The following MECOM variants were observed in gnomAD, a reference collection of about 807,000 sequenced individuals.
MECOM encodes MDS1 and EVI1 complex locus, also known as histone-lysine N-methyltransferase MECOM.
A neutral mutation model predicts 116.3 loss-of-function variants in MECOM; 13 were observed. The observed-to-expected ratio is 0.11, with a 90% CI of 0.07 to 0.18. The LOEUF (loss-of-function observed/expected upper bound fraction) is 0.18, where lower values mean the gene tolerates loss of function less well. Ranked by LOEUF, MECOM falls within the 10% of genes least tolerant of loss-of-function variation. The pLI, the probability that MECOM is intolerant of heterozygous loss-of-function variation, is 1.00. For synonymous variants in MECOM, 528 were observed against 535.2 expected (o/e 0.99, Z 0.19); for missense variants, 1,299 against 1,509.0 (o/e 0.86, Z 2.31).
intron 1 of MECOM, among the ~76,000 whole-genome samples, chr3:169,595,948 TTCAA>T (rs1407159291): frequency 6.6e-6 from 1 of 152,188 alleles, no homozygotes; most frequent in African/African-American, 2.4e-5. Flanking sequence ...TATAGTCAAT[TTCAA>T]TCAGACACTA....
At chr3:169,313,247 G>A (rs185119422) in intron 2 of MECOM, among the ~76,000 whole-genome samples, 1 of 152,308 alleles carries the variant, frequency 6.6e-6, no homozygotes, top group Admixed American at 6.5e-5. Flanking sequence ...CCTAAAAAGA[G>A]AATCTCTTTG....
At chr3:169,405,806 G>A (rs1229080273) in intron 1 of MECOM, among the ~76,000 whole-genome samples, 1 of 152,136 alleles carries the variant, frequency 6.6e-6, no homozygotes, top group East Asian at 1.9e-4. Context: ...TGAGAAAAAG[G>A]GTGGTTGTAC....
At chr3:169,233,211 C>T (rs784280) in intron 2 of MECOM, among the ~76,000 whole-genome samples, 19,685 of 152,090 alleles carry the variant, frequency 0.13, 1,884 homozygotes, top group African/African-American at 0.27. Flanking sequence ...ACCTGGGTCC[C>T]AAACATGGTG....
chr3:169,235,743 C>T (rs1189721140), intron 2 of MECOM, among the ~76,000 whole-genome samples: 1 of 151,748 alleles, frequency 6.6e-6, no homozygotes, highest in Non-Finnish European at 1.5e-5. Context: ...AAAAAGATAA[C>T]ATAATAGCAA....
At chr3:169,205,318 ATT>A (rs1749773916) in intron 2 of MECOM, among the ~76,000 whole-genome samples, 1 of 152,138 alleles carries the variant, frequency 6.6e-6, no homozygotes, top group African/African-American at 2.4e-5. Context: ...GAAGATATTA[ATT>A]TACTTTTTGA....
chr3:169,591,861 A>T (rs1385420088), intron 1 of MECOM, among the ~76,000 whole-genome samples: 1 of 151,988 alleles, frequency 6.6e-6, no homozygotes, highest in African/African-American at 2.4e-5. Flanking sequence ...AGCACTTTTT[A>T]CATCCTAGGA....
At chr3:169,599,598 G>C (rs888894061) in intron 1 of MECOM, among the ~76,000 whole-genome samples, 4 of 151,438 alleles carry the variant, frequency 2.6e-5, no homozygotes, top group African/African-American at 9.7e-5. Context: ...TTTTAGACAA[G>C]AATAAGCTGG....
At chr3:169,122,779 A>C (rs371205909) in intron 5 of MECOM, 52 bp from the exon 6 acceptor site, 29 of 1,586,356 alleles carry the variant, frequency 1.8e-5, no homozygotes, top group Non-Finnish European at 2.3e-5. Context: ...TCATAAACGG[A>C]ACAACATTTT....
chr3:169,542,455 C>G (rs1760205477), intron 1 of MECOM, among the ~76,000 whole-genome samples: 1 of 152,154 alleles, frequency 6.6e-6, no homozygotes, highest in East Asian at 1.9e-4. Context: ...ACAGGGGACT[C>G]TAGGAGCCAA....
At chr3:169,229,195 T>A (rs1753091260) in intron 2 of MECOM, among the ~76,000 whole-genome samples, 1 of 152,156 alleles carries the variant, frequency 6.6e-6, no homozygotes, top group South Asian at 2.1e-4. Flanking sequence ...TACCAACTCC[T>A]TATACAGGAA....
chr3:169,636,251 A>C (rs972181009), intron 1 of MECOM, among the ~76,000 whole-genome samples: 5 of 152,238 alleles, frequency 3.3e-5, no homozygotes, highest in Admixed American at 3.3e-4. Context: ...CCACACAGAC[A>C]TCAAGAAATT....
At chr3:169,226,136 A>C (rs988068608) in intron 2 of MECOM, among the ~76,000 whole-genome samples, 12 of 152,210 alleles carry the variant, frequency 7.9e-5, no homozygotes, top group Admixed American at 6.5e-4. Context: ...TGTTCTCTTC[A>C]AAGTATTCTC....
chr3:169,356,490 C>T (rs975648207), intron 2 of MECOM, among the ~76,000 whole-genome samples: 1 of 151,828 alleles, frequency 6.6e-6, no homozygotes, highest in South Asian at 2.1e-4. Flanking sequence ...TCTGGGGTAC[C>T]GCGATAACAT....
intron 1 of MECOM, among the ~76,000 whole-genome samples, chr3:169,577,556 G>A (rs1764660516): frequency 6.6e-6 from 1 of 151,786 alleles, no homozygotes; most frequent in Non-Finnish European, 1.5e-5. Context: ...CCAGATGGAT[G>A]GTTAGAAGGT....
intron 1 of MECOM, among the ~76,000 whole-genome samples, chr3:169,579,988 T>C (rs1764927427): frequency 6.6e-6 from 1 of 152,184 alleles, no homozygotes; most frequent in Admixed American, 6.5e-5. Flanking sequence ...AGCCAAGCAC[T>C]GAGCACAGAG....
At chr3:169,477,632 C>G (rs1750690448) in intron 1 of MECOM, among the ~76,000 whole-genome samples, 1 of 152,272 alleles carries the variant, frequency 6.6e-6, no homozygotes, top group East Asian at 1.9e-4. Flanking sequence ...GTGGAGCTTC[C>G]TGATATGCCC....
intron 2 of MECOM, among the ~76,000 whole-genome samples, chr3:169,206,752 T>TA (rs71634427): frequency 0.09 from 11,534 of 127,986 alleles, 560 homozygotes; most frequent in South Asian, 0.21. Flanking sequence ...GACTTCCTCT[T>TA]AAAAAAAAAA....
intron 1 of MECOM, among the ~76,000 whole-genome samples, chr3:169,536,469 G>A (rs1172053721): frequency 6.7e-6 from 1 of 148,862 alleles, no homozygotes. Flanking sequence ...ACCCTGAATA[G>A]TACAAGCAGA....
At chr3:169,616,577 T>C (rs1372623939) in intron 1 of MECOM, among the ~76,000 whole-genome samples, 2 of 152,168 alleles carry the variant, frequency 1.3e-5, no homozygotes, top group Non-Finnish European at 2.9e-5. Context: ...TGACCTCAGG[T>C]GATGCACCAG....
Sources: allele counts gnomAD v4.1 joint callset (sites outside exome capture counted in the v4.1 genomes callset), GRCh38; gene constraint gnomAD v4.1.1; transcripts MANE v1.5; gene names NCBI Gene and HGNC (gene_info 2026-07-23, HGNC 2026-07-21).